Variants in TRIM58 observed in about 807,000 individuals in gnomAD.
TRIM58 encodes tripartite motif containing 58.
TRIM58 carries 38 observed loss-of-function variants against 34.1 expected under a neutral mutation model. The observed-to-expected ratio is 1.12, with a 90% CI of 0.86 to 1.46. The LOEUF is 1.46. Ranked by LOEUF, TRIM58 falls within the 40% of genes most tolerant of loss-of-function variation. TRIM58 has a pLI of 0.00. For missense variants in TRIM58, 677 were observed against 642.0 expected, an observed-to-expected ratio of 1.05 and a Z score of -0.59; for synonymous variants, 273 against 275.7, an observed-to-expected ratio of 0.99 and a Z score of 0.10.
intron 2 of TRIM58, among the ~76,000 whole-genome samples, chr1:247,863,378 A>C (rs1485080970): frequency 6.6e-6 from 1 of 152,104 alleles, no homozygotes; most frequent in African/African-American, 2.4e-5. Flanking sequence ...TCTCTACTAA[A>C]AATACAAAAA....
intron 3 of TRIM58, among the ~76,000 whole-genome samples, chr1:247,865,242 C>T (rs1220636727): frequency 6.6e-6 from 1 of 152,012 alleles, no homozygotes; most frequent in Admixed American, 6.6e-5. Flanking sequence ...CCTTCCTGGG[C>T]AACATAGCAA....
At chr1:247,870,451 A>C (rs61181452) in intron 5 of TRIM58, among the ~76,000 whole-genome samples, 482 of 14,880 alleles carry the variant, frequency 0.032, no homozygotes, top group Middle Eastern at 0.056. Flanking sequence ...ATTCATGAGC[A>C]GTATCAGAGT....
rs1021345624 is a variant in TRIM58, at chr1:247,871,005, C to G, written c.871+2942C>G. 6.0e-5 allele frequency among the ~76,000 whole-genome samples: 9 copies of G among 149,244 alleles called. No homozygotes were observed. In the South Asian group the frequency reaches 8.8e-4, roughly 15 times the overall value. ...TCAGAGTCACGGCCACCCATAGAGC[C>G]TGCACCACCACGCCCAGAAGAACGA... On this transcript the variant is annotated intron_variant, in intron 5 of 5. Coordinates refer to ENST00000366481, the MANE Select transcript of TRIM58 (RefSeq NM_015431.4).
chr1:247,865,522 A>G (rs1413686442), intron 3 of TRIM58, among the ~76,000 whole-genome samples: 2 of 152,192 alleles, frequency 1.3e-5, no homozygotes, highest in African/African-American at 2.4e-5. Context: ...CCAGCTTGAA[A>G]TTGTTATATT....
chr1:247,865,879 T>G (rs1019678911), intron 3 of TRIM58, among the ~76,000 whole-genome samples: 7 of 152,200 alleles, frequency 4.6e-5, no homozygotes, highest in African/African-American at 1.7e-4. Flanking sequence ...GACCCACGGA[T>G]TCCACCTTTT....
intron 2 of TRIM58, among the ~76,000 whole-genome samples, chr1:247,863,371 C>T (rs1663844663): frequency 6.6e-6 from 1 of 152,110 alleles, no homozygotes; most frequent in African/African-American, 2.4e-5. Flanking sequence ...AACCCTGTCT[C>T]TACTAAAAAT....
intron 3 of TRIM58, among the ~76,000 whole-genome samples, chr1:247,866,753 C>T (rs1227397470): frequency 2.0e-5 from 3 of 152,030 alleles, no homozygotes; most frequent in African/African-American, 7.3e-5. Flanking sequence ...AAGGTGTGCA[C>T]CACCACGCCC....
At chr1:247,869,428 CT>C (rs1451966559) in intron 5 of TRIM58, among the ~76,000 whole-genome samples, 1 of 152,194 alleles carries the variant, frequency 6.6e-6, no homozygotes, top group Non-Finnish European at 1.5e-5. Context: ...CACAATTCAT[CT>C]TATTAGCTTA....
intron 5 of TRIM58, among the ~76,000 whole-genome samples, chr1:247,873,533 A>G (rs751867420): frequency 2.0e-5 from 3 of 152,130 alleles, no homozygotes; most frequent in Non-Finnish European, 4.4e-5. Flanking sequence ...TTACCTCTAG[A>G]GTTTGGGAAG....
chr1:247,875,291 G>T (rs1210936967), intron 5 of TRIM58, among the ~76,000 whole-genome samples: 1 of 95,950 alleles, frequency 1.0e-5, no homozygotes, highest in African/African-American at 4.3e-5. Context: ...AAATTCTATA[G>T]ATTTTTAAGA....
Position 247,879,580 on chromosome 1 carries a change from GTGAACCCCCAGGCCCTAGAGGATC to G in TRIM58, c.*3102_*3125del, listed in dbSNP as rs1472866389. 2.0e-5 allele frequency among the ~76,000 whole-genome samples: 3 copies of G among 151,758 alleles called. No individual in the cohort carries two copies. Among genetic ancestry groups the G allele is most frequent in the African/African-American group, 7.3e-5 (3 of 41,332 alleles). On this transcript the variant is annotated 3_prime_UTR_variant, in exon 6 of 6. Coordinates refer to ENST00000366481, the MANE Select transcript of TRIM58 (RefSeq NM_015431.4). ...AGTGAATCCCCAGGCCCTAGAGGAT[GTGAACCCCCAGGCCCTAGAGGATC>G]TGAACCCCCATCCCTCCTCTGATTA...
In TRIM58 at chr1:247,858,751, AC is replaced by A. The variant is rs1471895928; in HGVS notation, c.420+1086del. 9.8e-5 allele frequency among the ~76,000 whole-genome samples: 7 copies of A among 71,614 alleles called. No individual in the cohort carries two copies. The East Asian group carries it at 4.1e-3, about 42-fold the overall frequency. 47.0% of individuals were successfully genotyped at this position (71,614 alleles called of 152,430 possible). ...AAGTCCAGAAAGAGGATTGGTAGTAACTTTTTTTTTTTTTTTTTTTTTTTTT... is the reference window on the plus strand; with the variant it reads ...AAGTCCAGAAAGAGGATTGGTAGTAATTTTTTTTTTTTTTTTTTTTTTTTT... On this transcript the variant is annotated intron_variant, in intron 1 of 5. Transcript: ENST00000366481.
At chr1:247,874,391 A>T (rs1168204932) in intron 5 of TRIM58, among the ~76,000 whole-genome samples, 1 of 152,158 alleles carries the variant, frequency 6.6e-6, no homozygotes, top group Admixed American at 6.5e-5. Flanking sequence ...GTGGGATGGC[A>T]CTAAGTCATT....
chr1:247,865,345 T>C (rs1253657782), intron 3 of TRIM58, among the ~76,000 whole-genome samples: 1 of 152,134 alleles, frequency 6.6e-6, no homozygotes, highest in Non-Finnish European at 1.5e-5. Context: ...CTTAAACAGC[T>C]AGGGAAAGGA....
chr1:247,862,213 A>G (rs1331861346), intron 2 of TRIM58, among the ~76,000 whole-genome samples: 2 of 152,208 alleles, frequency 1.3e-5, no homozygotes, highest in Admixed American at 1.3e-4. Flanking sequence ...AAAGTTATCA[A>G]TATTAAATAA....
rs1308666955 is a variant in TRIM58, at chr1:247,878,005, A to C, written c.*1516A>C. The C allele has an allele frequency of 6.6e-6, 1 of 152,000 alleles. No homozygotes were observed. The highest frequency in any genetic ancestry group is 1.5e-5 in the Non-Finnish European group (1 of 68,082). The allele number at this position is 152,000 out of a possible 1,614,324, so 9.4% of individuals were successfully genotyped here. A position where few individuals can be genotyped will look rare whatever the true frequency, so the allele number is the denominator to read the frequency against. On this transcript the variant is annotated 3_prime_UTR_variant, in exon 6 of 6. Transcript: ENST00000366481. ...GAAACCCCGTCTCTACTAAAAATAC[A>C]AAAAGAAATTAGCTGGGCGTGGTGG...
rs112623248 is a variant in TRIM58, at chr1:247,879,087, T to TA, written c.*2599dup. ...TTCAGCTGTCCACTTGACATCAAAA[T>TA]AGACATTTTGAACTCAATTTGCCTA... On this transcript the variant is annotated 3_prime_UTR_variant, in exon 6 of 6. Coordinates refer to ENST00000366481, the MANE Select transcript of TRIM58 (RefSeq NM_015431.4). Among the ~76,000 whole-genome samples the TA allele has an allele frequency of 0.018, 2,680 of 152,280 alleles. 74 individuals are homozygous for TA. Among genetic ancestry groups the TA allele is most frequent in the African/African-American group, 0.061 (2,533 of 41,554 alleles).
At chr1:247,857,798 C>G in intron 1 of TRIM58, 132 bp downstream of exon 1, 3 of 1,157,692 alleles carry the variant, frequency 2.6e-6, no homozygotes, top group Non-Finnish European at 2.1e-6. Context: ...GCGCGCCGTC[C>G]CCCCCGCCCA....
intron 1 of TRIM58, among the ~76,000 whole-genome samples, chr1:247,858,344 C>A (rs924020115): frequency 6.6e-6 from 1 of 152,098 alleles, no homozygotes; most frequent in Non-Finnish European, 1.5e-5. Context: ...AGTATTTGGT[C>A]CCCAGAGTGG....
Sources: gnomAD v4.1 joint callset for allele counts (sites outside exome capture counted in the v4.1 genomes callset) on GRCh38, gnomAD v4.1.1 for gene constraint, MANE v1.5 for transcripts, NCBI Gene and HGNC (gene_info 2026-07-23, HGNC 2026-07-21) for gene names.